NBEA: variants seen among roughly 807,000 people sequenced by gnomAD.
The protein encoded by NBEA is lysosomal-trafficking regulator 2.
In NBEA, 44 loss-of-function variants were observed where a neutral mutation model predicts 343.4. The observed-to-expected ratio is 0.13, with a 90% CI of 0.10 to 0.16. The LOEUF (loss-of-function observed/expected upper bound fraction) is 0.16, where lower values mean the gene tolerates loss of function less well. Among genes scored for constraint, NBEA ranks in the 10% least tolerant of loss-of-function variants. The probability of loss-of-function intolerance (pLI) is 1.00; values close to 1 mark genes in which losing one functional copy is unlikely to be tolerated. For missense variants in NBEA, 2,555 were observed against 3,631.3 expected (o/e 0.70, Z 7.62); for synonymous variants, 1,175 against 1,238.7 (o/e 0.95, Z 1.08).
intron 41 of NBEA, among the ~76,000 whole-genome samples, chr13:35,511,450 T>C (rs1038635401): frequency 1.3e-5 from 2 of 152,158 alleles, no homozygotes; most frequent in African/African-American, 4.8e-5. Context: ...AAATATTAAG[T>C]ACAGAACCTA....
chr13:35,434,526 A>G (rs2045314234), intron 39 of NBEA, among the ~76,000 whole-genome samples: 1 of 152,176 alleles, frequency 6.6e-6, no homozygotes, highest in African/African-American at 2.4e-5. Flanking sequence ...TCGACATGGT[A>G]CTATTGGAGT....
intron 10 of NBEA, among the ~76,000 whole-genome samples, chr13:35,094,015 TA>T (rs1300970598): frequency 6.6e-6 from 1 of 151,908 alleles, no homozygotes. Context: ...ATGATTTTTT[TA>T]CATATGAAAA....
intron 48 of NBEA, among the ~76,000 whole-genome samples, chr13:35,610,383 A>G (rs1171729168): frequency 2.0e-5 from 3 of 152,078 alleles, no homozygotes; most frequent in African/African-American, 7.2e-5. Flanking sequence ...GCGCCACTGC[A>G]CTCCACCAGA....
At chr13:35,105,050 C>T (rs112127761) in intron 11 of NBEA, among the ~76,000 whole-genome samples, 1 of 151,768 alleles carries the variant, frequency 6.6e-6, no homozygotes, top group Non-Finnish European at 1.5e-5. Context: ...GGGAGCTTGG[C>T]AAGATTTGAA....
chr13:35,195,760 C>G (rs993062807), intron 30 of NBEA, 104 bp from the exon 31 acceptor site: 25 of 1,081,944 alleles, frequency 2.3e-5, no homozygotes, highest in Non-Finnish European at 3.1e-5. Context: ...TTTTTTGTTT[C>G]TACAGGTTTT....
intron 16 of NBEA, among the ~76,000 whole-genome samples, chr13:35,118,930 T>C (rs752630435): frequency 4.3e-4 from 66 of 152,046 alleles, no homozygotes; most frequent in Non-Finnish European, 8.4e-4. Context: ...TGTGCTCAGA[T>C]TGCTATTTTG....
At chr13:35,225,096 A>G (rs2074577528) in intron 33 of NBEA, among the ~76,000 whole-genome samples, 2 of 152,154 alleles carry the variant, frequency 1.3e-5, no homozygotes, top group Admixed American at 6.5e-5. Context: ...GAGGTTCTCT[A>G]CACTATGTAG....
rs1239979828 is a variant in NBEA at position 35,070,087 on chromosome 13, A to T, written c.1419A>T (p.Pro473=). ...ATGCATCAATTTTTGTGCATTCCCC[A>T]CATGCTCTAATGCTTCAGGTGGGTG... The part of the protein sequence containing the change: ...KENASIFVHS[P]HALMLQDVKA... Residue 473 remains proline (P), a synonymous_variant, in exon 9 of 59, where the codon CCA becomes CCT. Coordinates refer to ENST00000379939, the MANE Select transcript of NBEA (RefSeq NM_001385012.1). The T allele has an allele frequency of 6.3e-7, 1 of 1,593,292 alleles. No individual in the cohort carries two copies. Among genetic ancestry groups the T allele is most frequent in the East Asian group, 2.3e-5 (1 of 44,150 alleles).
intron 2 of NBEA, among the ~76,000 whole-genome samples, chr13:35,042,409 A>G (rs1237932150): frequency 6.6e-6 from 1 of 151,800 alleles, no homozygotes; most frequent in Non-Finnish European, 1.5e-5. Context: ...ATAGACTTAC[A>G]TGTACACATG....
At chr13:35,145,296 A>G (rs1233509230) in intron 18 of NBEA, among the ~76,000 whole-genome samples, 1 of 152,228 alleles carries the variant, frequency 6.6e-6, no homozygotes, top group East Asian at 1.9e-4. Context: ...CTTCGGTTGT[A>G]GAGGCCTGAC....
At chr13:35,475,583 G>A in intron 41 of NBEA, 1 of 1,613,490 alleles carries the variant, frequency 6.2e-7, no homozygotes, top group Non-Finnish European at 8.5e-7. Context: ...AGTGGCCAGT[G>A]GGCAGCACTC....
At chr13:35,147,282 C>T (rs972158032) in intron 18 of NBEA, among the ~76,000 whole-genome samples, 1 of 152,228 alleles carries the variant, frequency 6.6e-6, no homozygotes, top group African/African-American at 2.4e-5. Context: ...TGCTTTTCTT[C>T]AGGGGTGCAA....
In NBEA at chr13:35,161,842, C is replaced by T. The variant is rs1180098244; in HGVS notation, c.3954C>T (p.Arg1318=). 1 of 1,610,924 alleles carries T rather than the reference C, an allele frequency of 6.2e-7. No individual in the cohort carries two copies. The highest frequency in any genetic ancestry group is 1.1e-5 in the South Asian group (1 of 90,268). The change falls in exon 23 of 59, where the codon CGC becomes CGT. Residue 1318 remains arginine, a synonymous_variant. Transcript: ENST00000379939. The part of the protein sequence containing the change: ...RGMPMTEEQR[R]QFSPGPRTTM... Reference sequence around the variant, plus strand: ...TGCCAATGACTGAGGAACAGCGACGCCAGTTTAGCCCAGGTCCACGGACTA... The same window carrying T: ...TGCCAATGACTGAGGAACAGCGACGTCAGTTTAGCCCAGGTCCACGGACTA...
Position 35,142,256 on chromosome 13 carries a change from TC to T in NBEA, c.2337-11del, listed in dbSNP as rs2068133786. The T allele has an allele frequency of 6.4e-7, 1 of 1,572,482 alleles. No individual in the cohort carries two copies. Among genetic ancestry groups the T allele is most frequent in the South Asian group, 1.1e-5 (1 of 88,798 alleles). Reference sequence around the variant, plus strand: ...GTGTTTCATGGTGTTTTATTTTTCCTCCTTCTCTCCAGGAGAAAAGTTGAAA... The same window carrying T: ...GTGTTTCATGGTGTTTTATTTTTCCTCTTCTCTCCAGGAGAAAAGTTGAAA... On this transcript the variant is annotated splice_polypyrimidine_tract_variant and intron_variant, in intron 17 of 58. Transcript: ENST00000379939.
intron 25 of NBEA, among the ~76,000 whole-genome samples, chr13:35,170,632 A>G (rs2070389226): frequency 6.6e-6 from 1 of 151,834 alleles, no homozygotes; most frequent in Non-Finnish European, 1.5e-5. Context: ...TCTTTTTATT[A>G]CTAGTGTTTT....
Position 35,236,150 on chromosome 13 carries a change from G to C in NBEA, c.5776+3531G>C, listed in dbSNP as rs554886100. 4.6e-4 allele frequency among the ~76,000 whole-genome samples: 70 copies of C among 152,082 alleles called. 1 individual carries two copies. In the South Asian group the frequency reaches 0.014, roughly 31 times the overall value. On this transcript the variant is annotated intron_variant, in intron 34 of 58. Coordinates refer to ENST00000379939, the MANE Select transcript of NBEA (RefSeq NM_001385012.1). ...TTGCTTTTTAAATGCCAGTGACTTG[G>C]CAGTATAAAAAGCTGACAACCCTAA... is the stretch of plus-strand genomic sequence containing the variant.
intron 55 of NBEA, 68 bp from the exon 56 acceptor site, chr13:35,665,017 C>A: frequency 9.6e-7 from 1 of 1,038,710 alleles, no homozygotes; most frequent in Non-Finnish European, 1.5e-6. Flanking sequence ...TTGAATATTG[C>A]ATTGCTGGTG....
chr13:35,376,862 G>C (rs1197852), intron 38 of NBEA, among the ~76,000 whole-genome samples: 1 of 151,942 alleles, frequency 6.6e-6, no homozygotes, highest in African/African-American at 2.4e-5. Context: ...GCCTGCCTCC[G>C]GTTGACCATG....
At chr13:35,532,017 G>A (rs1205650912) in intron 41 of NBEA, among the ~76,000 whole-genome samples, 1 of 152,190 alleles carries the variant, frequency 6.6e-6, no homozygotes, top group Non-Finnish European at 1.5e-5. Flanking sequence ...TATGCTGTCT[G>A]TTGGACTTTG....
Sources: allele counts gnomAD v4.1 joint callset (sites outside exome capture counted in the v4.1 genomes callset), GRCh38; gene constraint gnomAD v4.1.1; transcripts MANE v1.5; gene names NCBI Gene and HGNC (gene_info 2026-07-23, HGNC 2026-07-21).